FAM184A: variants seen among roughly 807,000 people sequenced by gnomAD.
FAM184A encodes the protein family with sequence similarity 184 member A, also known as protein FAM184A.
In FAM184A, 99 loss-of-function variants were observed where a neutral mutation model predicts 143.8. The ratio of observed to expected loss-of-function variants is 0.69; its 90% CI spans 0.58 to 0.81. The LOEUF (loss-of-function observed/expected upper bound fraction) is 0.81, where lower values mean the gene tolerates loss of function less well. Among genes scored for constraint, FAM184A ranks in the 40% least tolerant of loss-of-function variants. FAM184A has a pLI of 0.00. For missense variants in FAM184A, 1,217 were observed against 1,310.5 expected, an observed-to-expected ratio of 0.93 and a Z score of 1.10; for synonymous variants, 427 against 446.4, an observed-to-expected ratio of 0.96 and a Z score of 0.55.
At chr6:119,062,455 G>A (rs1201661562) in intron 1 of FAM184A, among the ~76,000 whole-genome samples, 3 of 151,882 alleles carry the variant, frequency 2.0e-5, no homozygotes, top group Non-Finnish European at 4.4e-5. Context: ...CTTGAGCCCT[G>A]GAATAACAGC....
chr6:119,083,740 G>C (rs148422392), intron 1 of FAM184A, among the ~76,000 whole-genome samples: 1 of 152,172 alleles, frequency 6.6e-6, no homozygotes, highest in Non-Finnish European at 1.5e-5. Context: ...TCAGCATTTT[G>C]GTCAAATTCA....
chr6:119,004,527 A>G (rs1342771276), intron 7 of FAM184A, among the ~76,000 whole-genome samples: 1 of 152,234 alleles, frequency 6.6e-6, no homozygotes, highest in Non-Finnish European at 1.5e-5. Flanking sequence ...GCCTCTAGTA[A>G]TTCTTTAATT....
chr6:119,007,390 T>C (rs1433678095), intron 6 of FAM184A, among the ~76,000 whole-genome samples: 1 of 152,070 alleles, frequency 6.6e-6, no homozygotes, highest in African/African-American at 2.4e-5. Context: ...ACAAAAATTC[T>C]CCTTCAATCC....
At chr6:119,013,854 C>CA (rs1185035874) in intron 5 of FAM184A, among the ~76,000 whole-genome samples, 5 of 152,308 alleles carry the variant, frequency 3.3e-5, no homozygotes, top group African/African-American at 1.2e-4. Flanking sequence ...CTGTGGCTCT[C>CA]ACGAAATCAT....
intron 1 of FAM184A, among the ~76,000 whole-genome samples, chr6:119,137,845 T>C (rs1280955676): frequency 5.3e-5 from 8 of 152,186 alleles, no homozygotes; most frequent in African/African-American, 9.7e-5. Context: ...CTATTACTAT[T>C]CTGTAGTTCA....
At chr6:119,058,223 G>A (rs1787082883) in intron 1 of FAM184A, among the ~76,000 whole-genome samples, 3 of 119,180 alleles carry the variant, frequency 2.5e-5, no homozygotes, top group South Asian at 2.8e-4. Context: ...TTGCTCTGTC[G>A]CCCAGGCTGG....
At position 118,997,282 on chromosome 6, in the gene FAM184A, C is replaced by G. The variant is rs115405054; in HGVS notation, c.2088+5617G>C. 5.5e-3 allele frequency among the ~76,000 whole-genome samples: 817 copies of G among 147,948 alleles called. 8 individuals carry two copies. Among genetic ancestry groups the G allele is most frequent in the African/African-American group, 0.019 (748 of 39,972 alleles). On this transcript the variant is annotated intron_variant, in intron 9 of 17. Coordinates refer to ENST00000338891, the MANE Select transcript of FAM184A (RefSeq NM_024581.6). Reference sequence around the variant, plus strand: ...AGAGGTTGCAGTGAGCCAAGATCACCTCAAAGCACTCCAGCCTGGGTGACT... The same window carrying G: ...AGAGGTTGCAGTGAGCCAAGATCACGTCAAAGCACTCCAGCCTGGGTGACT...
At chr6:119,038,861 G>A (rs80144086) in intron 1 of FAM184A, among the ~76,000 whole-genome samples, 7,903 of 152,078 alleles carry the variant, frequency 0.052, 500 homozygotes, top group African/African-American at 0.15. Flanking sequence ...AAAAGCAGAG[G>A]GATTCAGTGA....
At chr6:119,018,920 A>C (rs1299982925) in intron 4 of FAM184A, among the ~76,000 whole-genome samples, 2 of 152,136 alleles carry the variant, frequency 1.3e-5, no homozygotes, top group Non-Finnish European at 2.9e-5. Context: ...GGTTGAAATA[A>C]GGAGTAAAAG....
chr6:118,998,316 T>A lies in FAM184A; in HGVS notation c.2088+4583A>T, dbSNP rs1277042963. On this transcript the variant is annotated intron_variant, in intron 9 of 17. Coordinates refer to ENST00000338891, the MANE Select transcript of FAM184A (RefSeq NM_024581.6). ...GGCAGAATTATTTGTATTTCATGTA[T>A]CTGAAAACGTCTTTGGTCTCTGTGC... Among the ~76,000 whole-genome samples, 3 of 152,234 alleles carry A rather than the reference T, an allele frequency of 2.0e-5. No individual in the cohort carries two copies. The East Asian group carries it at 5.8e-4, about 29-fold the overall frequency.
At chr6:119,028,467 G>A (rs1220934734) in intron 1 of FAM184A, among the ~76,000 whole-genome samples, 2 of 152,190 alleles carry the variant, frequency 1.3e-5, no homozygotes, top group African/African-American at 2.4e-5. Context: ...GAGGAGACAA[G>A]GTCGGAGAGT....
chr6:119,094,336 T>A (rs1185013451), intron 1 of FAM184A, among the ~76,000 whole-genome samples: 2 of 152,182 alleles, frequency 1.3e-5, no homozygotes, highest in East Asian at 3.8e-4. Flanking sequence ...CCTGAACTCG[T>A]CTTTTTCTTT....
intron 17 of FAM184A, 35 bp downstream of exon 17, chr6:118,961,720 TAAAAAA>T: frequency 6.5e-7 from 1 of 1,533,908 alleles, no homozygotes; most frequent in South Asian, 1.2e-5. Context: ...TTTCTCAAGT[TAAAAAA>T]GAAAAGAAAA....
At chr6:119,086,820 T>C (rs951209090) in intron 1 of FAM184A, among the ~76,000 whole-genome samples, 2 of 152,194 alleles carry the variant, frequency 1.3e-5, no homozygotes, top group African/African-American at 4.8e-5. Flanking sequence ...GACAACTCTA[T>C]AAACAAGGAG....
intron 1 of FAM184A, among the ~76,000 whole-genome samples, chr6:119,107,777 CAA>C (rs71556825): frequency 4.0e-5 from 4 of 100,832 alleles, no homozygotes; most frequent in Non-Finnish European, 3.9e-5. Flanking sequence ...GACTTTGTCT[CAA>C]AAAAAAAAAA....
intron 9 of FAM184A, among the ~76,000 whole-genome samples, chr6:118,981,432 G>A (rs111837524): frequency 1.8e-4 from 27 of 152,102 alleles, no homozygotes; most frequent in African/African-American, 5.3e-4. Flanking sequence ...CAGTTTCTGC[G>A]GCCAAAAAAG....
chr6:118,990,587 G>GA (rs1784346082), intron 9 of FAM184A, among the ~76,000 whole-genome samples: 1 of 90,730 alleles, frequency 1.1e-5, no homozygotes, highest in African/African-American at 4.3e-5. Flanking sequence ...ATACTAATTA[G>GA]GCACATGGTG....
At chr6:118,982,364 C>CA (rs1784049817) in intron 9 of FAM184A, among the ~76,000 whole-genome samples, 1 of 152,148 alleles carries the variant, frequency 6.6e-6, no homozygotes, top group South Asian at 2.1e-4. Context: ...CATGGGGACC[C>CA]ATGGGACTGC....
intron 14 of FAM184A, among the ~76,000 whole-genome samples, chr6:118,970,184 A>C (rs1783653890): frequency 6.7e-6 from 1 of 149,630 alleles, no homozygotes; most frequent in Admixed American, 6.7e-5. Flanking sequence ...TTGTATTTTT[A>C]GTAGAGACGG....
Sources: allele counts gnomAD v4.1 joint callset (sites outside exome capture counted in the v4.1 genomes callset), GRCh38; gene constraint gnomAD v4.1.1; transcripts MANE v1.5; gene names NCBI Gene and HGNC (gene_info 2026-07-23, HGNC 2026-07-21).